Variants in DGKI observed in about 807,000 individuals in gnomAD.
The protein encoded by DGKI is diacylglycerol kinase iota.
In DGKI, 55 loss-of-function variants were observed where a neutral mutation model predicts 147.5. That is an observed-to-expected ratio of 0.37 (90% CI 0.30 to 0.47). The LOEUF is 0.47. DGKI is among the 20% of genes least tolerant of loss of function. The probability of loss-of-function intolerance (pLI) is 1.00; values close to 1 mark genes in which losing one functional copy is unlikely to be tolerated. For missense variants in DGKI, 1,007 were observed against 1,323.8 expected, an observed-to-expected ratio of 0.76 and a Z score of 3.71; for synonymous variants, 469 against 477.1, an observed-to-expected ratio of 0.98 and a Z score of 0.22.
chr7:137,800,653 C>T (rs945830369), intron 1 of DGKI, among the ~76,000 whole-genome samples: 1 of 152,164 alleles, frequency 6.6e-6, no homozygotes, highest in African/African-American at 2.4e-5. Context: ...CAAGAACTGA[C>T]TAACACAGAG....
chr7:137,799,893 T>C (rs1370521078), intron 1 of DGKI, among the ~76,000 whole-genome samples: 1 of 152,230 alleles, frequency 6.6e-6, no homozygotes, highest in Non-Finnish European at 1.5e-5. Flanking sequence ...GCTTTTGAAA[T>C]CTTCTTCTAT....
intron 20 of DGKI, among the ~76,000 whole-genome samples, chr7:137,527,990 T>C (rs1817210937): frequency 6.6e-6 from 1 of 152,198 alleles, no homozygotes. Flanking sequence ...CTTCCTCCTC[T>C]TTGCAGCTCC....
intron 21 of DGKI, among the ~76,000 whole-genome samples, chr7:137,521,241 T>G (rs1271704100): frequency 6.6e-6 from 1 of 152,052 alleles, no homozygotes; most frequent in African/African-American, 2.4e-5. Context: ...CAATACATAC[T>G]GATTGACTAG....
At chr7:137,534,207 G>A (rs1817440106) in intron 20 of DGKI, among the ~76,000 whole-genome samples, 1 of 152,050 alleles carries the variant, frequency 6.6e-6, no homozygotes, top group African/African-American at 2.4e-5. Flanking sequence ...TTGTTGATAT[G>A]TCAGAGGATA....
intron 13 of DGKI, 66 bp downstream of exon 13, chr7:137,587,031 C>G: frequency 1.7e-6 from 2 of 1,188,080 alleles, no homozygotes; most frequent in Non-Finnish European, 2.3e-6. Context: ...TCCATTAGAA[C>G]ATCAGTGGAT....
chr7:137,758,710 T>TTATA lies in DGKI; in HGVS notation c.402-68712_402-68709dup, dbSNP rs757230084. On this transcript the variant is annotated intron_variant, in intron 1 of 32. Coordinates refer to ENST00000614521, the MANE Select transcript of DGKI (RefSeq NM_001321708.2). ...CAAAAATAATAATAAATAAATAAAA[T>TTATA]TATATATATATATATCTCAGTCTGA... is the stretch of plus-strand genomic sequence containing the variant. 9.2e-4 allele frequency among the ~76,000 whole-genome samples: 138 copies of TTATA among 149,936 alleles called. 1 individual carries two copies. The highest frequency in any genetic ancestry group is 3.3e-3 in the African/African-American group (136 of 40,850).
At chr7:137,410,057 A>G (rs1361964162) in intron 29 of DGKI, among the ~76,000 whole-genome samples, 1 of 152,202 alleles carries the variant, frequency 6.6e-6, no homozygotes, top group Non-Finnish European at 1.5e-5. Context: ...GAAAATATGT[A>G]AGAGAGAAAA....
At position 137,552,385 on chromosome 7, in the gene DGKI, T is replaced by C; in HGVS notation, c.2131A>G (p.Met711Val). ...MVQKSKRRTS[M>V]PLLNDPQSVP... ...CAGACTCACTCATTGAGTAAAGGCA[T>C]GGATGTTCTCCTCTTGCTCTTCTGT... The change falls in exon 20 of 33, where the codon ATG becomes GTG. Residue 711 changes from methionine to valine, a missense_variant. Met to Val is a conservative substitution (Grantham distance 21, BLOSUM62 1). Coordinates refer to ENST00000614521, the MANE Select transcript of DGKI (RefSeq NM_001321708.2). 6.2e-7 allele frequency: 1 copy of C among 1,613,248 alleles called. No homozygotes were observed. The highest frequency in any genetic ancestry group is 8.5e-7 in the Non-Finnish European group (1 of 1,180,018).
intron 6 of DGKI, among the ~76,000 whole-genome samples, chr7:137,633,662 A>G (rs1489182689): frequency 6.6e-6 from 1 of 152,216 alleles, no homozygotes; most frequent in African/African-American, 2.4e-5. Context: ...TGAATATCAC[A>G]AATTTAACCC....
chr7:137,429,548 C>T (rs1328601477), intron 28 of DGKI, among the ~76,000 whole-genome samples: 1 of 151,348 alleles, frequency 6.6e-6, no homozygotes, highest in African/African-American at 2.4e-5. Context: ...ACAAAATTGA[C>T]AAATGGGATC....
At chr7:137,656,311 T>A (rs1822218928) in intron 4 of DGKI, among the ~76,000 whole-genome samples, 155 bp downstream of exon 4, 1 of 152,208 alleles carries the variant, frequency 6.6e-6, no homozygotes, top group East Asian at 1.9e-4. Flanking sequence ...CCCTTAAACA[T>A]TGTCTTTCCA....
chr7:137,520,458 A>C (rs61051125), intron 21 of DGKI, among the ~76,000 whole-genome samples: 1 of 152,120 alleles, frequency 6.6e-6, no homozygotes, highest in Non-Finnish European at 1.5e-5. Flanking sequence ...TCTGTCGCTT[A>C]TAAGTTCACT....
At chr7:137,470,776 T>A (rs964587908) in intron 23 of DGKI, among the ~76,000 whole-genome samples, 19 of 152,092 alleles carry the variant, frequency 1.2e-4, no homozygotes, top group Non-Finnish European at 2.8e-4. Context: ...CTGAAGCTTA[T>A]GTTTATTATC....
intron 1 of DGKI, among the ~76,000 whole-genome samples, chr7:137,845,917 G>A (rs943043778): frequency 6.6e-6 from 1 of 152,084 alleles, no homozygotes; most frequent in African/African-American, 2.4e-5. Flanking sequence ...TTCGAGGCAG[G>A]TCCAACTTCC....
At chr7:137,619,068 C>T (rs1440230059) in intron 8 of DGKI, among the ~76,000 whole-genome samples, 1 of 152,206 alleles carries the variant, frequency 6.6e-6, no homozygotes, top group Non-Finnish European at 1.5e-5. Context: ...AGTCTTCCTA[C>T]AGTACCTGCA....
At chr7:137,590,389 T>C (rs1411136119) in intron 12 of DGKI, among the ~76,000 whole-genome samples, 2 of 152,066 alleles carry the variant, frequency 1.3e-5, no homozygotes, top group African/African-American at 4.8e-5. Flanking sequence ...ACCCCTGCCA[T>C]CTCCCCAGGG....
At chr7:137,567,902 C>T (rs552813932) in intron 19 of DGKI, among the ~76,000 whole-genome samples, 40 of 151,894 alleles carry the variant, frequency 2.6e-4, no homozygotes, top group Non-Finnish European at 4.9e-4. Context: ...ATTGTATATA[C>T]GTAATGTCTA....
rs1289349561 is a variant in DGKI, at chr7:137,638,548, ATG to A, written c.804+6922_804+6923del. ...TATACACACACATATATGTATATAT[ATG>A]TGTGTATATATATACACACATATAT... On this transcript the variant is annotated intron_variant, in intron 6 of 32. Coordinates refer to ENST00000614521, the MANE Select transcript of DGKI (RefSeq NM_001321708.2). Among the ~76,000 whole-genome samples the A allele has an allele frequency of 7.2e-3, 787 of 109,352 alleles. 111 individuals are homozygous for A. The highest frequency in any genetic ancestry group is 0.029 in the African/African-American group (709 of 24,078). 71.7% of individuals were successfully genotyped at this position (109,352 alleles called of 152,430 possible). A position where few individuals can be genotyped will look rare whatever the true frequency, so the allele number is the denominator to read the frequency against.
At chr7:137,834,677 A>G (rs533551937) in intron 1 of DGKI, among the ~76,000 whole-genome samples, 22 of 152,338 alleles carry the variant, frequency 1.4e-4, no homozygotes, top group Admixed American at 9.8e-4. Flanking sequence ...GAAAACAACA[A>G]AGTTTGCTCC....
Sources: gnomAD v4.1 joint callset for allele counts (sites outside exome capture counted in the v4.1 genomes callset) on GRCh38, gnomAD v4.1.1 for gene constraint, MANE v1.5 for transcripts, NCBI Gene and HGNC (gene_info 2026-07-23, HGNC 2026-07-21) for gene names.